The following PIP variants were observed in gnomAD, a reference collection of about 807,000 sequenced individuals.
PIP encodes the protein prolactin-inducible protein.
Under a neutral mutation model 12.8 loss-of-function variants are expected in PIP, and 9 were observed. The ratio of observed to expected loss-of-function variants is 0.70; its 90% CI spans 0.42 to 1.23. The LOEUF is 1.23. Ranked by LOEUF, PIP falls within the 50% of genes most tolerant of loss-of-function variation. The pLI, the probability that PIP is intolerant of heterozygous loss-of-function variation, is 0.00. For synonymous variants in PIP, 60 were observed against 66.1 expected, an observed-to-expected ratio of 0.91 and a Z score of 0.45; for missense variants, 172 against 179.5, an observed-to-expected ratio of 0.96 and a Z score of 0.24.
chr7:143,135,270 G>A lies in PIP; in HGVS notation c.172G>A (p.Val58Ile), dbSNP rs1237772968. The part of the protein sequence containing the change: ...PNDEVTAVLA[V>I]QTELKECMVV... Reference sequence around the variant, plus strand: ...TGACGAAGTCACTGCAGTGCTTGCAGTTCAAACAGAATTGAAAGAATGCAT... The same window carrying A: ...TGACGAAGTCACTGCAGTGCTTGCAATTCAAACAGAATTGAAAGAATGCAT... The change falls in exon 2 of 4, where the codon GTT becomes ATT. Residue 58 changes from valine (V) to isoleucine (I), a missense_variant. By Grantham distance (29) the Val-to-Ile change is conservative. Coordinates refer to ENST00000291009, the MANE Select transcript of PIP (RefSeq NM_002652.3). The A allele has an allele frequency of 6.3e-7, 1 of 1,595,642 alleles. No individual in the cohort carries two copies. Among genetic ancestry groups the A allele is most frequent in the Non-Finnish European group, 8.6e-7 (1 of 1,163,218 alleles).
chr7:143,134,116 A>G (rs1038622506), intron 1 of PIP, among the ~76,000 whole-genome samples: 4 of 143,344 alleles, frequency 2.8e-5, no homozygotes, highest in Admixed American at 7.2e-5. Flanking sequence ...ATAGTCTCCA[A>G]TCTCATACAG....
intron 1 of PIP, among the ~76,000 whole-genome samples, chr7:143,134,575 C>A (rs532190128): frequency 2.6e-5 from 4 of 151,660 alleles, no homozygotes; most frequent in African/African-American, 9.7e-5. Flanking sequence ...AAGGTGGTAT[C>A]GCATTGTGGT....
chr7:143,138,245 T>C (rs543831758), intron 2 of PIP, among the ~76,000 whole-genome samples: 1 of 152,270 alleles, frequency 6.6e-6, no homozygotes, highest in East Asian at 1.9e-4. Flanking sequence ...AATGGCACTG[T>C]GGTTCCTTGA....
At chr7:143,134,709 T>C (rs558484028) in intron 1 of PIP, among the ~76,000 whole-genome samples, 1 of 152,120 alleles carries the variant, frequency 6.6e-6, no homozygotes, top group African/African-American at 2.4e-5. Flanking sequence ...GCCTGTAGGA[T>C]GTTATCAGGA....
intron 1 of PIP, 150 bp downstream of exon 1, chr7:143,132,361 C>A: frequency 4.6e-6 from 4 of 864,342 alleles, no homozygotes; most frequent in Admixed American, 2.8e-5. Flanking sequence ...CCAGGTTCCA[C>A]TTCTTGTCCT....
chr7:143,136,945 A>C (rs1799316011), intron 2 of PIP, among the ~76,000 whole-genome samples: 1 of 151,746 alleles, frequency 6.6e-6, no homozygotes, highest in South Asian at 2.1e-4. Flanking sequence ...TTCATTTTTC[A>C]AAGTATAACT....
chr7:143,132,181 A>T lies in PIP; in HGVS notation c.65A>T (p.Gln22Leu), dbSNP rs199681727. 126 of 1,613,422 alleles carry T rather than the reference A, an allele frequency of 7.8e-5. 1 individual carries two copies. The highest frequency in any genetic ancestry group is 1.6e-4 in the Middle Eastern group (1 of 6,084). ...ACCCTGCTCCTGGTTCTCTGCCTGC[A>T]GTTGGGGGCCAACAAAGCTCAGGAC... ...PATLLLVLCL[Q>L]LGANKAQDNT... Residue 22 changes from glutamine (Q) to leucine (L), a missense_variant, in exon 1 of 4, where the codon CAG becomes CTG. Physicochemically the swap from Gln to Leu is moderately radical, Grantham distance 113. Transcript: ENST00000291009.
intron 1 of PIP, among the ~76,000 whole-genome samples, chr7:143,134,547 G>T (rs548326563): frequency 6.6e-6 from 1 of 151,546 alleles, no homozygotes; most frequent in Non-Finnish European, 1.5e-5. Context: ...TTTTGATTAC[G>T]GCCATTCTTG....
At chr7:143,135,448 G>C (rs1028493281) in intron 2 of PIP, 149 bp downstream of exon 2, 4 of 463,296 alleles carry the variant, frequency 8.6e-6, no homozygotes, top group Non-Finnish European at 1.6e-5. Flanking sequence ...AACAACTGTG[G>C]GAGCTTGGGA....
chr7:143,139,483 G>A (rs752572951), intron 3 of PIP, 35 bp from the exon 4 acceptor site: 1 of 1,610,242 alleles, frequency 6.2e-7, no homozygotes, highest in East Asian at 2.2e-5. Context: ...TGGCCGGGGT[G>A]TCTGAGAGAT....
chr7:143,132,778 G>A (rs538038612), intron 1 of PIP, among the ~76,000 whole-genome samples: 4 of 152,074 alleles, frequency 2.6e-5, no homozygotes, highest in African/African-American at 9.7e-5. Flanking sequence ...GAGAGCACAG[G>A]TTCAGAAGTC....
chr7:143,137,859 C>T (rs1033297349), intron 2 of PIP, among the ~76,000 whole-genome samples: 2 of 151,214 alleles, frequency 1.3e-5, no homozygotes, highest in African/African-American at 4.9e-5. Flanking sequence ...ACGTTCGCAC[C>T]ATTGCACTCC....
intron 2 of PIP, among the ~76,000 whole-genome samples, chr7:143,137,262 A>G (rs1799318783): frequency 6.6e-6 from 1 of 152,148 alleles, no homozygotes; most frequent in Non-Finnish European, 1.5e-5. Flanking sequence ...AATTGCTTCT[A>G]AATGTATAAA....
At chr7:143,137,663 G>A (rs575812432) in intron 2 of PIP, among the ~76,000 whole-genome samples, 1 of 152,164 alleles carries the variant, frequency 6.6e-6, no homozygotes, top group East Asian at 1.9e-4. Flanking sequence ...ACTTTGGGAG[G>A]CCAAAGTGGG....
intron 2 of PIP, 112 bp downstream of exon 2, chr7:143,135,411 A>C: frequency 2.3e-5 from 12 of 519,746 alleles, no homozygotes; most frequent in East Asian, 6.0e-5. Flanking sequence ...AAACATTCTC[A>C]CTTATGTTAT....
At chr7:143,135,056 C>A in intron 1 of PIP, 138 bp from the exon 2 acceptor site, 1 of 497,994 alleles carries the variant, frequency 2.0e-6, no homozygotes, top group Non-Finnish European at 3.7e-6. Flanking sequence ...CAGGGGATTC[C>A]AATGCTGAAC....
chr7:143,133,790 G>C (rs1187508922), intron 1 of PIP, among the ~76,000 whole-genome samples: 2 of 151,882 alleles, frequency 1.3e-5, no homozygotes, highest in African/African-American at 4.8e-5. Flanking sequence ...AGTGCATTGA[G>C]ATGTTTGCTG....
In PIP at chr7:143,135,459, C is replaced by G. The variant is rs968910332; in HGVS notation, c.201+160C>G. On this transcript the variant is annotated intron_variant, in intron 2 of 3. Transcript: ENST00000291009. ...TCAGAACAACTGTGGGAGCTTGGGA[C>G]AGATGACTTCTCATTTTCCAGATGA... Among the ~76,000 whole-genome samples the G allele has an allele frequency of 5.9e-5, 9 of 151,956 alleles. 2 individuals carry two copies. The highest frequency in any genetic ancestry group is 2.9e-5 in the Non-Finnish European group (2 of 67,954).
chr7:143,135,634 T>G (rs1213458335), intron 2 of PIP, among the ~76,000 whole-genome samples: 1 of 152,010 alleles, frequency 6.6e-6, no homozygotes, highest in Admixed American at 6.6e-5. Flanking sequence ...TAGTTTAGGA[T>G]GGAGGGAGGG....
Sources: gnomAD v4.1 joint callset for allele counts (sites outside exome capture counted in the v4.1 genomes callset) on GRCh38, gnomAD v4.1.1 for gene constraint, MANE v1.5 for transcripts, NCBI Gene and HGNC (gene_info 2026-07-23, HGNC 2026-07-21) for gene names.